SLX4IP: variants seen among roughly 807,000 people sequenced by gnomAD.
SLX4IP encodes the protein protein SLX4IP.
Under a neutral mutation model 32.9 loss-of-function variants are expected in SLX4IP, and 34 were observed. The ratio of observed to expected loss-of-function variants is 1.03; its 90% CI spans 0.79 to 1.38. The LOEUF (loss-of-function observed/expected upper bound fraction) is 1.38, where lower values mean the gene tolerates loss of function less well. Ranked by LOEUF, SLX4IP falls within the 40% of genes most tolerant of loss-of-function variation. The pLI is 0.00. For synonymous variants in SLX4IP, 172 were observed against 171.7 expected, an observed-to-expected ratio of 1.00 and a Z score of -0.01; for missense variants, 444 against 479.0, an observed-to-expected ratio of 0.93 and a Z score of 0.68.
intron 2 of SLX4IP, among the ~76,000 whole-genome samples, chr20:10,470,622 C>T (rs548132774): frequency 4.6e-5 from 7 of 152,130 alleles, no homozygotes; most frequent in East Asian, 3.9e-4. Flanking sequence ...CTATATTTTG[C>T]GAGTTTAATA....
At chr20:10,452,680 A>AAATATATATATATATATATATATATAT (rs1326662021) in intron 1 of SLX4IP, among the ~76,000 whole-genome samples, 3 of 109,518 alleles carry the variant, frequency 2.7e-5, no homozygotes, top group African/African-American at 1.1e-4. Flanking sequence ...AAAAAAAAAA[A>AAATATATATATATATATATATATATAT]ATATATATAT....
intron 2 of SLX4IP, among the ~76,000 whole-genome samples, chr20:10,520,508 T>C (rs181715938): frequency 1.3e-4 from 20 of 149,542 alleles, no homozygotes; most frequent in Non-Finnish European, 2.8e-4. Flanking sequence ...CACAAGTGTT[T>C]TTAATTTGAT....
rs1230095239 is a variant in SLX4IP, at chr20:10,623,770, G to C, written c.*391G>C. On this transcript the variant is annotated 3_prime_UTR_variant, in exon 8 of 8. Coordinates refer to ENST00000334534, the MANE Select transcript of SLX4IP (RefSeq NM_001009608.3). ...GACAGTGCTGCCGTGCTGCCTTTCA[G>C]CTCCAGGGGTACAATCCATCCCCCT... The C allele has an allele frequency of 5.6e-6, 1 of 179,428 alleles. No homozygotes were observed. The highest frequency in any genetic ancestry group is 1.2e-5 in the Non-Finnish European group (1 of 84,152). The allele number at this position is 179,428 out of a possible 1,614,324, so 11.1% of individuals were successfully genotyped here.
intron 1 of SLX4IP, among the ~76,000 whole-genome samples, chr20:10,443,105 A>G (rs6032879): frequency 0.49 from 75,256 of 152,042 alleles, 19,972 homozygotes; most frequent in Non-Finnish European, 0.6. Context: ...TAACTGAAGT[A>G]TTATTTATTT....
Position 10,556,446 on chromosome 20 carries a change from A to G in SLX4IP, c.117+126A>G, listed in dbSNP as rs565848737. The G allele has an allele frequency of 6.0e-5, 57 of 949,934 alleles. No individual in the cohort carries two copies. In the South Asian group the frequency reaches 8.3e-4, roughly 14 times the overall value. 58.8% of individuals were successfully genotyped at this position (949,934 alleles called of 1,614,324 possible). On this transcript the variant is annotated intron_variant, in intron 3 of 7. Coordinates refer to ENST00000334534, the MANE Select transcript of SLX4IP (RefSeq NM_001009608.3). The stretch of plus-strand genomic sequence containing the variant: ...TTGCGTATTTAATCCTTGAAAAACA[A>G]TTGTATTCCCAATGACAGACACATA...
chr20:10,491,579 A>G (rs1317194666), intron 2 of SLX4IP, among the ~76,000 whole-genome samples: 1 of 152,204 alleles, frequency 6.6e-6, no homozygotes, highest in Non-Finnish European at 1.5e-5. Flanking sequence ...TCCCCAAAGC[A>G]TGGTGCATCT....
chr20:10,500,445 C>T (rs1337596211), intron 2 of SLX4IP, among the ~76,000 whole-genome samples: 2 of 151,950 alleles, frequency 1.3e-5, no homozygotes, highest in African/African-American at 4.8e-5. Flanking sequence ...ATGTGTGGTT[C>T]TCTTCATGTG....
At chr20:10,475,775 A>C (rs1045435444) in intron 2 of SLX4IP, among the ~76,000 whole-genome samples, 1 of 152,218 alleles carries the variant, frequency 6.6e-6, no homozygotes, top group Non-Finnish European at 1.5e-5. Flanking sequence ...GGCACGGGGC[A>C]GTGTCACATG....
intron 4 of SLX4IP, among the ~76,000 whole-genome samples, chr20:10,563,870 G>C (rs544582926): frequency 6.6e-6 from 1 of 152,302 alleles, no homozygotes; most frequent in East Asian, 1.9e-4. Flanking sequence ...TTTGCTCACA[G>C]TTGCTTTGGC....
intron 4 of SLX4IP, among the ~76,000 whole-genome samples, chr20:10,585,489 A>C (rs1252480008): frequency 6.6e-6 from 1 of 152,122 alleles, no homozygotes; most frequent in Non-Finnish European, 1.5e-5. Flanking sequence ...GTAGATCTGC[A>C]GCCATGACTT....
chr20:10,515,332 A>ACTT (rs1724795638), intron 2 of SLX4IP, among the ~76,000 whole-genome samples: 1 of 152,020 alleles, frequency 6.6e-6, no homozygotes, highest in South Asian at 2.1e-4. Context: ...TGATCTGCCA[A>ACTT]CTTCAGCCTC....
intron 2 of SLX4IP, among the ~76,000 whole-genome samples, chr20:10,493,859 CTTTTTT>C (rs58299545): frequency 4.3e-5 from 3 of 70,544 alleles, no homozygotes; most frequent in African/African-American, 5.8e-5. Context: ...TTATAGTTGC[CTTTTTT>C]TTTTTTTTTT....
At chr20:10,480,254 G>A (rs940097655) in intron 2 of SLX4IP, among the ~76,000 whole-genome samples, 6 of 152,026 alleles carry the variant, frequency 3.9e-5, no homozygotes, top group African/African-American at 1.4e-4. Context: ...TATTAACCAG[G>A]CATGGTGGCA....
chr20:10,597,663 T>A (rs960521515), intron 4 of SLX4IP, among the ~76,000 whole-genome samples: 3 of 152,202 alleles, frequency 2.0e-5, no homozygotes, highest in African/African-American at 4.8e-5. Context: ...ATTAAAAAAT[T>A]TACTGTTGAT....
At chr20:10,492,879 T>C (rs1021944957) in intron 2 of SLX4IP, among the ~76,000 whole-genome samples, 6 of 152,226 alleles carry the variant, frequency 3.9e-5, no homozygotes, top group African/African-American at 7.2e-5. Flanking sequence ...TCATATAGTA[T>C]GATTCTAAAT....
intron 1 of SLX4IP, among the ~76,000 whole-genome samples, chr20:10,447,907 G>T (rs1429344714): frequency 4.6e-5 from 6 of 129,044 alleles, no homozygotes; most frequent in South Asian, 2.6e-4. Flanking sequence ...GTCTCACTTT[G>T]TTGCCTAGGC....
Position 10,606,524 on chromosome 20 carries a change from CAA to C in SLX4IP, c.405+4706_405+4707del, listed in dbSNP as rs776494380. 2.0e-4 allele frequency among the ~76,000 whole-genome samples: 30 copies of C among 152,318 alleles called. 1 individual carries two copies. The highest frequency in any genetic ancestry group is 4.1e-4 in the South Asian group (2 of 4,828). On this transcript the variant is annotated intron_variant, in intron 6 of 7. Coordinates refer to ENST00000334534, the MANE Select transcript of SLX4IP (RefSeq NM_001009608.3). The stretch of plus-strand genomic sequence containing the variant: ...TGGTGAATTGCGTGGAAGATATTAA[CAA>C]GAGATTCCTGTAGCACTAGGGAAAG...
chr20:10,620,791 G>A (rs1477326239), intron 6 of SLX4IP, among the ~76,000 whole-genome samples: 14 of 152,140 alleles, frequency 9.2e-5, no homozygotes, highest in Admixed American at 7.9e-4. Context: ...TCCTGACCTC[G>A]TGATCTGGCT....
At chr20:10,456,529 A>AT (rs2065287162) in intron 1 of SLX4IP, among the ~76,000 whole-genome samples, 1 of 152,004 alleles carries the variant, frequency 6.6e-6, no homozygotes, top group African/African-American at 2.4e-5. Flanking sequence ...TTTAATAGAG[A>AT]CGGGGTTTCA....
Sources: gnomAD v4.1 joint callset for allele counts (sites outside exome capture counted in the v4.1 genomes callset) on GRCh38, gnomAD v4.1.1 for gene constraint, MANE v1.5 for transcripts, NCBI Gene and HGNC (gene_info 2026-07-23, HGNC 2026-07-21) for gene names.